Variants in CNOT11 observed in about 807,000 individuals in gnomAD.
The protein encoded by CNOT11 is UPF0760 protein C2orf29.
A neutral mutation model predicts 44.6 loss-of-function variants in CNOT11; 18 were observed. The ratio of observed to expected loss-of-function variants is 0.40; its 90% CI spans 0.28 to 0.60. The LOEUF (loss-of-function observed/expected upper bound fraction) is 0.60, where lower values mean the gene tolerates loss of function less well. Among genes scored for constraint, CNOT11 ranks in the 20% least tolerant of loss-of-function variants. The probability of loss-of-function intolerance (pLI) is 0.38; values close to 1 mark genes in which losing one functional copy is unlikely to be tolerated. For missense variants in CNOT11, 513 were observed against 677.0 expected, an observed-to-expected ratio of 0.76 and a Z score of 2.69; for synonymous variants, 291 against 270.9, an observed-to-expected ratio of 1.07 and a Z score of -0.73.
intron 1 of CNOT11, among the ~76,000 whole-genome samples, chr2:101,256,717 A>G (rs1036602194): frequency 3.3e-5 from 5 of 152,198 alleles, no homozygotes; most frequent in Non-Finnish European, 5.9e-5. Flanking sequence ...TTGCATATAT[A>G]AGCTTTAGCC....
Position 101,265,445 on chromosome 2 carries a change from GA to G in CNOT11, c.1035+401del, listed in dbSNP as rs551873320. ...CCAACAAGAGTTTATTTTTTTTTTGGAAAGTGGTAAGCAATAAACTAATCCT... is the reference window on the plus strand; with the variant it reads ...CCAACAAGAGTTTATTTTTTTTTTGGAAGTGGTAAGCAATAAACTAATCCT... On this transcript the variant is annotated intron_variant, in intron 4 of 6. Transcript: ENST00000289382. 7.9e-5 allele frequency among the ~76,000 whole-genome samples: 12 copies of G among 151,918 alleles called. No individual in the cohort carries two copies. In the South Asian group the frequency reaches 1.7e-3, roughly 21 times the overall value.
chr2:101,254,825 G>T (rs1558766047), intron 1 of CNOT11, among the ~76,000 whole-genome samples: 1 of 152,092 alleles, frequency 6.6e-6, no homozygotes. Context: ...TTGAGCCTAG[G>T]AGTTTGAGGC....
chr2:101,263,899 C>G (rs532380640), intron 3 of CNOT11, among the ~76,000 whole-genome samples: 1 of 152,328 alleles, frequency 6.6e-6, no homozygotes, highest in African/African-American at 2.4e-5. Flanking sequence ...CGCAAGAACT[C>G]TCTATCACAT....
chr2:101,267,948 G>T (rs1194906828), intron 5 of CNOT11, among the ~76,000 whole-genome samples: 4 of 152,154 alleles, frequency 2.6e-5, no homozygotes, highest in Non-Finnish European at 4.4e-5. Flanking sequence ...ACACCTGTTT[G>T]TAAGTTGGGG....
chr2:101,253,019 CAA>C lies in CNOT11; in HGVS notation c.57_58del (p.Gly21ValfsTer99). On this transcript the variant is annotated frameshift_variant, in exon 1 of 7. Coordinates refer to ENST00000289382, the MANE Select transcript of CNOT11 (RefSeq NM_017546.5). LOFTEE classifies it high-confidence loss of function. This position sits in a 1 kb window ranked among gnomAD's most constrained non-coding sequence, Gnocchi z 4.3. ...TGGCCGGCTTCTCACCGCCGCGGAGCAAAGAGGGTCCCGGGAAGCGGCAGGGT... is the reference window on the plus strand; with the variant it reads ...TGGCCGGCTTCTCACCGCCGCGGAGCAGAGGGTCCCGGGAAGCGGCAGGGT... ...ASGRLLTAAE[Q>X]RGSREAAGSA... 1.3e-6 allele frequency: 2 copies of C among 1,511,428 alleles called. No individual in the cohort carries two copies. Among genetic ancestry groups the C allele is most frequent in the Non-Finnish European group, 1.8e-6 (2 of 1,136,432 alleles). 93.6% of individuals were successfully genotyped at this position (1,511,428 alleles called of 1,614,324 possible). A position where few individuals can be genotyped will look rare whatever the true frequency, so the allele number is the denominator to read the frequency against.
chr2:101,257,965 A>G lies in CNOT11; in HGVS notation c.679+10A>G. On this transcript the variant is annotated intron_variant, in intron 2 of 6. Coordinates refer to ENST00000289382, the MANE Select transcript of CNOT11 (RefSeq NM_017546.5). ...CAGTTAGCCTTGGCCGGTAAGGAGG[A>G]ATCAGTGTTTTGGGCATTTCTGTGT... 1.9e-6 allele frequency: 3 copies of G among 1,608,338 alleles called. No individual in the cohort carries two copies. Among genetic ancestry groups the G allele is most frequent in the Non-Finnish European group, 2.5e-6 (3 of 1,176,770 alleles).
rs547992318 is a variant in CNOT11, at chr2:101,255,895, T to C, written c.515-1896T>C. Among the ~76,000 whole-genome samples the C allele has an allele frequency of 8.8e-4, 134 of 152,162 alleles. 2 individuals carry two copies. In the South Asian group the frequency reaches 0.027, roughly 31 times the overall value. Reference sequence around the variant, plus strand: ...GCTCATGCCTGCAATCCCAGCACTTTGGGAGGCCAAGGCAGGCAGATCACT... The same window carrying C: ...GCTCATGCCTGCAATCCCAGCACTTCGGGAGGCCAAGGCAGGCAGATCACT... On this transcript the variant is annotated intron_variant, in intron 1 of 6. Coordinates refer to ENST00000289382, the MANE Select transcript of CNOT11 (RefSeq NM_017546.5).
At chr2:101,254,525 A>G (rs1269530975) in intron 1 of CNOT11, among the ~76,000 whole-genome samples, 1 of 152,116 alleles carries the variant, frequency 6.6e-6, no homozygotes, top group East Asian at 1.9e-4. Flanking sequence ...CAGGTACTTA[A>G]CCTGCTTCTA....
rs769805310 is a variant in CNOT11, at chr2:101,253,405, C to T, written c.441C>T (p.Ala147=). The T allele has an allele frequency of 8.3e-5, 132 of 1,587,836 alleles. No homozygotes were observed. In the African/African-American group the frequency reaches 1.1e-3, roughly 14 times the overall value. ...TEPLAANPFA[A]SFAHLLNPAP... is the part of the protein sequence containing the mutation. ...CGCTGGCCGCCAACCCCTTCGCCGC[C>T]AGCTTCGCGCACCTGCTCAACCCCG... Residue 147 remains alanine (A), a synonymous_variant, in exon 1 of 7, where the codon GCC becomes GCT. Transcript: ENST00000289382. This position sits in a 1 kb window ranked among gnomAD's most constrained non-coding sequence, Gnocchi z 4.3.
intron 2 of CNOT11, among the ~76,000 whole-genome samples, chr2:101,258,713 C>G (rs1453534599): frequency 6.7e-6 from 1 of 150,318 alleles, no homozygotes; most frequent in African/African-American, 2.4e-5. Flanking sequence ...AATTGGGAGG[C>G]TGAGGCACAA....
chr2:101,266,061 A>G (rs1681974841), intron 4 of CNOT11, among the ~76,000 whole-genome samples: 1 of 152,200 alleles, frequency 6.6e-6, no homozygotes, highest in Admixed American at 6.5e-5. Context: ...ACGGGGGAAA[A>G]AAAGCATAGG....
Position 101,265,759 on chromosome 2 carries a change from C to T in CNOT11, c.1035+712C>T, listed in dbSNP as rs114384097. On this transcript the variant is annotated intron_variant, in intron 4 of 6. Coordinates refer to ENST00000289382, the MANE Select transcript of CNOT11 (RefSeq NM_017546.5). ...GAAAACAAGGCTGGGAAGGGGAACC[C>T]GCCCCCATCACACAGCTGGATCGTG... 6.3e-3 allele frequency among the ~76,000 whole-genome samples: 952 copies of T among 152,146 alleles called. 4 individuals carry two copies. Among genetic ancestry groups the T allele is most frequent in the African/African-American group, 0.022 (909 of 41,524 alleles).
chr2:101,264,609 C>T (rs377118458), intron 3 of CNOT11, among the ~76,000 whole-genome samples: 3 of 152,156 alleles, frequency 2.0e-5, no homozygotes, highest in East Asian at 1.9e-4. Context: ...TTCTGCAAAG[C>T]GAATAGATTG....
chr2:101,256,789 C>T (rs1681742295), intron 1 of CNOT11, among the ~76,000 whole-genome samples: 2 of 152,218 alleles, frequency 1.3e-5, no homozygotes, highest in African/African-American at 4.8e-5. Context: ...TGGCTCACGC[C>T]TGTAATCCCA....
intron 5 of CNOT11, among the ~76,000 whole-genome samples, chr2:101,267,574 C>T (rs374905320): frequency 2.7e-4 from 41 of 152,332 alleles, no homozygotes; most frequent in East Asian, 2.3e-3. Flanking sequence ...CTAGCTTCCT[C>T]GTGCTCTTCT....
chr2:101,260,676 C>A (rs1009423859), intron 2 of CNOT11, among the ~76,000 whole-genome samples: 13 of 152,134 alleles, frequency 8.5e-5, no homozygotes, highest in South Asian at 2.1e-4. Context: ...TTTAAAAAAA[C>A]AAGTAGACAA....
intron 4 of CNOT11, 70 bp from the exon 5 acceptor site, chr2:101,266,607 T>TG: frequency 8.4e-7 from 1 of 1,185,566 alleles, no homozygotes; most frequent in Non-Finnish European, 1.3e-6. Context: ...TTCATATACA[T>TG]GGGAAAAAAA....
chr2:101,265,135 C>A, intron 4 of CNOT11, 88 bp downstream of exon 4: 2 of 913,942 alleles, frequency 2.2e-6, no homozygotes, highest in East Asian at 2.9e-5. Flanking sequence ...GAGTCTCACT[C>A]GGCTGCCCAG....
At chr2:101,264,078 A>T (rs1013591740) in intron 3 of CNOT11, among the ~76,000 whole-genome samples, 1 of 152,204 alleles carries the variant, frequency 6.6e-6, no homozygotes, top group Non-Finnish European at 1.5e-5. Context: ...TAGACTCTCA[A>T]ATTTGGCAGG....
Sources: gnomAD v4.1 joint callset for allele counts (sites outside exome capture counted in the v4.1 genomes callset) on GRCh38, gnomAD v4.1.1 for gene constraint, Gnocchi (gnomAD v3.1) non-coding constraint, MANE v1.5 for transcripts, NCBI Gene and HGNC (gene_info 2026-07-23, HGNC 2026-07-21) for gene names.